Variants in NFIA observed in about 807,000 individuals in gnomAD.
NFIA encodes the protein nuclear factor 1 A-type.
NFIA carries 8 observed loss-of-function variants against 62.8 expected under a neutral mutation model. That is an observed-to-expected ratio of 0.13 (90% CI 0.07 to 0.23). The LOEUF (loss-of-function observed/expected upper bound fraction) is 0.23. Ranked by LOEUF, NFIA falls within the 10% of genes least tolerant of loss-of-function variation. The probability of loss-of-function intolerance (pLI) is 1.00; values close to 1 mark genes in which losing one functional copy is unlikely to be tolerated. For missense variants in NFIA, 410 were observed against 642.1 expected (o/e 0.64, Z 3.91); for synonymous variants, 235 against 238.1 (o/e 0.99, Z 0.12).
At position 61,456,788 on chromosome 1, in the gene NFIA, A is replaced by G. The variant is rs1230837163; in HGVS notation, c.*1468A>G. 2 of 144,140 alleles carry G rather than the reference A, an allele frequency of 1.4e-5. No individual in the cohort carries two copies. Among genetic ancestry groups the G allele is most frequent in the Non-Finnish European group, 3.0e-5 (2 of 67,150 alleles). 8.9% of individuals were successfully genotyped at this position (144,140 alleles called of 1,614,324 possible). A position where few individuals can be genotyped will look rare whatever the true frequency, so the allele number is the denominator to read the frequency against. The stretch of plus-strand genomic sequence containing the variant: ...AAGTTTGCACCCCCAAACGTCCTGT[A>G]TCTTATGAAAAAAAAAACAAAAAAC... On this transcript the variant is annotated 3_prime_UTR_variant, in exon 11 of 11. Transcript: ENST00000403491.
chr1:61,312,456 A>G (rs1324921499), intron 3 of NFIA, among the ~76,000 whole-genome samples: 8 of 152,110 alleles, frequency 5.3e-5, no homozygotes, highest in African/African-American at 1.9e-4. Context: ...GACATTCTAT[A>G]ATTCACTGCT....
At chr1:61,354,456 G>A (rs1379133621) in intron 5 of NFIA, among the ~76,000 whole-genome samples, 2 of 152,072 alleles carry the variant, frequency 1.3e-5, no homozygotes, top group African/African-American at 4.8e-5. Flanking sequence ...TCTGTGGCAG[G>A]CACCATATTA....
chr1:61,370,250 C>G (rs1663815449), intron 6 of NFIA, among the ~76,000 whole-genome samples: 1 of 152,202 alleles, frequency 6.6e-6, no homozygotes, highest in African/African-American at 2.4e-5. Context: ...ATAAACTCAT[C>G]AATTAATCAG....
Position 61,150,295 on chromosome 1 carries a change from A to G in NFIA, c.559+61615A>G, listed in dbSNP as rs910654250. 3.3e-5 allele frequency among the ~76,000 whole-genome samples: 5 copies of G among 152,116 alleles called. No individual in the cohort carries two copies. The South Asian group carries it at 1.0e-3, about 32-fold the overall frequency. On this transcript the variant is annotated intron_variant, in intron 2 of 10. Transcript: ENST00000403491. ...TGAGTACATTGGACCAAAGGATTAT[A>G]GTTTGTTTTCTTCCCAGGCAAGTGC... is the stretch of plus-strand genomic sequence containing the variant.
intron 3 of NFIA, among the ~76,000 whole-genome samples, chr1:61,329,106 G>T (rs1661135188): frequency 6.9e-6 from 1 of 145,904 alleles, no homozygotes; most frequent in African/African-American, 2.5e-5. Flanking sequence ...GGAGTGCAGT[G>T]GCGCGATCTT....
chr1:61,242,996 G>A (rs1379625004), intron 2 of NFIA, among the ~76,000 whole-genome samples: 2 of 152,002 alleles, frequency 1.3e-5, no homozygotes, highest in African/African-American at 4.8e-5. Context: ...CAAGAAATGT[G>A]ACTTTTCGGT....
intron 3 of NFIA, among the ~76,000 whole-genome samples, chr1:61,286,410 C>T (rs1368221199): frequency 1.4e-5 from 2 of 138,832 alleles, no homozygotes; most frequent in Non-Finnish European, 1.5e-5. Context: ...CCTGGGTGAC[C>T]GAGCGAGACT....
rs1668413073 is a variant in NFIA at position 61,458,721 on chromosome 1, AATT to A, written c.*3405_*3407del. ...TTTTTTTTTGTAAGTATTTAAATAC[AATT>A]ATTTTTTTCTCTCAATGGTATAGCA... On this transcript the variant is annotated 3_prime_UTR_variant, in exon 11 of 11. Transcript: ENST00000403491. 6.8e-6 allele frequency: 1 copy of A among 148,114 alleles called. No individual in the cohort carries two copies. The highest frequency in any genetic ancestry group is 2.5e-5 in the African/African-American group (1 of 39,800). 9.2% of individuals were successfully genotyped at this position (148,114 alleles called of 1,614,324 possible).
intron 3 of NFIA, among the ~76,000 whole-genome samples, chr1:61,299,484 A>T (rs1440242440): frequency 6.6e-6 from 1 of 152,208 alleles, no homozygotes; most frequent in African/African-American, 2.4e-5. Flanking sequence ...CACAAACTTT[A>T]TGAAAAGCAT....
At chr1:61,365,321 C>CT (rs1411930006) in intron 6 of NFIA, among the ~76,000 whole-genome samples, 2 of 152,196 alleles carry the variant, frequency 1.3e-5, no homozygotes, top group African/African-American at 4.8e-5. Flanking sequence ...TTTTTTGTTC[C>CT]TTTAGGTGGG....
intron 2 of NFIA, among the ~76,000 whole-genome samples, chr1:61,137,075 G>A (rs577745805): frequency 6.6e-6 from 1 of 152,250 alleles, no homozygotes; most frequent in South Asian, 2.1e-4. Context: ...TGTAAATATT[G>A]TGTGCGTAAT....
At chr1:61,370,373 C>T (rs1438151256) in intron 6 of NFIA, among the ~76,000 whole-genome samples, 1 of 152,150 alleles carries the variant, frequency 6.6e-6, no homozygotes, top group African/African-American at 2.4e-5. Flanking sequence ...TCCTGAATGG[C>T]ACACCAAGTA....
At chr1:61,307,928 G>A (rs1237290412) in intron 3 of NFIA, among the ~76,000 whole-genome samples, 1 of 152,130 alleles carries the variant, frequency 6.6e-6, no homozygotes, top group Non-Finnish European at 1.5e-5. Flanking sequence ...TATTATTATT[G>A]TGTCAGCAGT....
intron 2 of NFIA, among the ~76,000 whole-genome samples, chr1:61,186,847 AGT>A (rs760566739): frequency 3.9e-5 from 6 of 152,246 alleles, no homozygotes; most frequent in Non-Finnish European, 8.8e-5. Flanking sequence ...AGAGAAGGAA[AGT>A]GAGCCAAAGA....
At chr1:61,420,976 T>C (rs939265205) in intron 9 of NFIA, among the ~76,000 whole-genome samples, 1 of 152,088 alleles carries the variant, frequency 6.6e-6, no homozygotes, top group African/African-American at 2.4e-5. Flanking sequence ...TTCTCTATCT[T>C]CTCCTTTCCC....
rs200793896 is a variant in NFIA at position 61,305,423 on chromosome 1, A to AT, written c.626-27083dup. Among the ~76,000 whole-genome samples, 1,101 of 152,294 alleles carry AT rather than the reference A, an allele frequency of 7.2e-3. 12 individuals carry two copies. The highest frequency in any genetic ancestry group is 0.058 in the Middle Eastern group (17 of 294). On this transcript the variant is annotated intron_variant, in intron 3 of 10. Transcript: ENST00000403491. Reference sequence around the variant, plus strand: ...TGGCTGCACCTGCAGAAGTCTCTGCATTTTTTATGAACAGCAGAAAACAAG... The same window carrying AT: ...TGGCTGCACCTGCAGAAGTCTCTGCATTTTTTTATGAACAGCAGAAAACAAG...
At chr1:61,103,728 C>A in intron 2 of NFIA, among the ~76,000 whole-genome samples, 1 of 152,064 alleles carries the variant, frequency 6.6e-6, no homozygotes, top group East Asian at 1.9e-4. Context: ...AGTTTTTGGG[C>A]ATTTACCTTA....
At chr1:61,423,866 TC>T (rs1211958640) in intron 9 of NFIA, among the ~76,000 whole-genome samples, 1 of 152,144 alleles carries the variant, frequency 6.6e-6, no homozygotes, top group Non-Finnish European at 1.5e-5. Flanking sequence ...TCCTTTATTT[TC>T]CCTGTGTCCT....
In NFIA at chr1:61,455,800, A is replaced by G. The variant is rs561518316; in HGVS notation, c.*480A>G. ...TCTTTTGTAGTAGCTGAGATCTGCA[A>G]TATATAACGGGACAGTCAAAGGGCA... On this transcript the variant is annotated 3_prime_UTR_variant, in exon 11 of 11. Transcript: ENST00000403491. 1.0e-3 allele frequency: 165 copies of G among 165,360 alleles called. 1 individual carries two copies. Among genetic ancestry groups the G allele is most frequent in the Non-Finnish European group, 1.8e-3 (136 of 76,886 alleles). 10.2% of individuals were successfully genotyped at this position (165,360 alleles called of 1,614,324 possible).
Sources: allele counts gnomAD v4.1 joint callset (sites outside exome capture counted in the v4.1 genomes callset), GRCh38; gene constraint gnomAD v4.1.1; transcripts MANE v1.5; gene names NCBI Gene and HGNC (gene_info 2026-07-23, HGNC 2026-07-21).